Variants in PTPRH observed in about 807,000 individuals in gnomAD.
PTPRH encodes the protein receptor-type tyrosine-protein phosphatase H.
In PTPRH, 113 loss-of-function variants were observed where a neutral mutation model predicts 130.2. The observed-to-expected ratio is 0.87, with a 90% CI of 0.75 to 1.01. PTPRH has a LOEUF of 1.01. Among genes scored for constraint, PTPRH ranks in the 50% least tolerant of loss-of-function variants. The pLI is 0.00. For synonymous variants in PTPRH, 556 were observed against 577.9 expected (o/e 0.96, Z 0.54); for missense variants, 1,430 against 1,425.0 (o/e 1.00, Z -0.06).
At chr19:55,194,771 A>G (rs2086637422) in intron 10 of PTPRH, among the ~76,000 whole-genome samples, 1 of 152,230 alleles carries the variant, frequency 6.6e-6, no homozygotes, top group South Asian at 2.1e-4. Flanking sequence ...GTATAGACCC[A>G]AGAGAAATAA....
At chr19:55,199,061 T>C in intron 7 of PTPRH, 149 bp from the exon 8 acceptor site, 2 of 820,700 alleles carry the variant, frequency 2.4e-6, no homozygotes, top group Non-Finnish European at 3.3e-6. Flanking sequence ...TCCCAGCATT[T>C]TGGGAAGCTA....
intron 10 of PTPRH, 67 bp downstream of exon 10, chr19:55,196,455 C>T (rs2086681976): frequency 6.5e-7 from 1 of 1,527,562 alleles, no homozygotes; most frequent in African/African-American, 1.4e-5. Flanking sequence ...GATTTCCTCA[C>T]AATGGGGCCT....
At chr19:55,201,856 T>C (rs778399211) in intron 6 of PTPRH, among the ~76,000 whole-genome samples, 200 bp downstream of exon 6, 145 of 152,246 alleles carry the variant, frequency 9.5e-4, no homozygotes, top group African/African-American at 3.4e-3. Context: ...AGACACAGAC[T>C]GGCCCCAACT....
intron 14 of PTPRH, among the ~76,000 whole-genome samples, 158 bp downstream of exon 14, chr19:55,187,355 A>G (rs2086385091): frequency 8.8e-6 from 1 of 113,138 alleles, no homozygotes; most frequent in African/African-American, 4.1e-5. Context: ...AAAAAAAAAA[A>G]AAAAAGAAAA....
intron 7 of PTPRH, among the ~76,000 whole-genome samples, chr19:55,199,743 G>C (rs942004020): frequency 5.8e-5 from 5 of 86,414 alleles, no homozygotes; most frequent in African/African-American, 2.9e-4. Context: ...GGGAAGGAAA[G>C]AGAAGGAAAG....
At chr19:55,183,465 T>C (rs1240301525) in intron 18 of PTPRH, among the ~76,000 whole-genome samples, 1 of 152,118 alleles carries the variant, frequency 6.6e-6, no homozygotes, top group Non-Finnish European at 1.5e-5. Flanking sequence ...GGCTCACGCC[T>C]GTAATCCCAG....
intron 8 of PTPRH, among the ~76,000 whole-genome samples, 163 bp from the exon 9 acceptor site, chr19:55,197,579 G>A (rs1344902340): frequency 6.6e-6 from 1 of 152,150 alleles, no homozygotes; most frequent in African/African-American, 2.4e-5. Flanking sequence ...AAAGACCATG[G>A]GGACCAGAAT....
rs754665379 is a variant in PTPRH at position 55,200,359 on chromosome 19, G to T, written c.1297C>A (p.Arg433=). ...YTGDGGGTET[R]NTTNTSVTAE... ...GTCACACTGGTATTTGTTGTGTTTC[G>T]GGTCTCTGTGCCACCACCGTCTCCA... The change falls in exon 7 of 20, where the codon CGA becomes AGA. Residue 433 remains arginine, a synonymous_variant. Transcript: ENST00000376350. 2 of 1,613,946 alleles carry T rather than the reference G, an allele frequency of 1.2e-6. No individual in the cohort carries two copies. The highest frequency in any genetic ancestry group is 2.7e-5 in the African/African-American group (2 of 74,864).
intron 6 of PTPRH, among the ~76,000 whole-genome samples, chr19:55,201,038 G>A (rs1452852261): frequency 6.6e-6 from 1 of 152,140 alleles, no homozygotes; most frequent in African/African-American, 2.4e-5. Context: ...GGTCATAAAG[G>A]TGAAGCCTTT....
Position 55,195,309 on chromosome 19 carries a change from G to A in PTPRH, c.2257+1213C>T, listed in dbSNP as rs186256376. ...CACTGCACTCCAGCCTGGGCGACAAGAGTGAAACTCCGCCTCAAAAAATAA... is the reference window on the plus strand; with the variant it reads ...CACTGCACTCCAGCCTGGGCGACAAAAGTGAAACTCCGCCTCAAAAAATAA... On this transcript the variant is annotated intron_variant, in intron 10 of 19. Coordinates refer to ENST00000376350, the MANE Select transcript of PTPRH (RefSeq NM_002842.5). 6.6e-5 allele frequency among the ~76,000 whole-genome samples: 10 copies of A among 151,394 alleles called. No homozygotes were observed. In the East Asian group the frequency reaches 2.0e-3, roughly 30 times the overall value.
chr19:55,194,367 C>T, intron 10 of PTPRH: 1 of 1,218,216 alleles, frequency 8.2e-7, no homozygotes, highest in Non-Finnish European at 1.1e-6. Context: ...CTTGGCCTCA[C>T]AGAATGGACT....
rs2086885950 is a variant in PTPRH, at chr19:55,202,198, A to G, written c.1011T>C (p.Asp337=). 6.2e-7 allele frequency: 1 copy of G among 1,614,030 alleles called. No homozygotes were observed. Among genetic ancestry groups the G allele is most frequent in the African/African-American group, 1.3e-5 (1 of 74,914 alleles). The change falls in exon 6 of 20, where the codon GAT becomes GAC. Residue 337 remains aspartate (D), a synonymous_variant. Transcript: ENST00000376350. ...TGCTTCGAGTCCCTGCTCTGCCACCATCTCCAGTGTACTCAACCCCGTAGG... is the reference window on the plus strand; with the variant it reads ...TGCTTCGAGTCCCTGCTCTGCCACCGTCTCCAGTGTACTCAACCCCGTAGG... ...NSTYGVEYTG[D]GGRAGTRSTA... is the part of the protein sequence containing the mutation.
intron 12 of PTPRH, among the ~76,000 whole-genome samples, chr19:55,189,502 C>T (rs868179396): frequency 1.3e-5 from 2 of 152,182 alleles, no homozygotes; most frequent in Non-Finnish European, 2.9e-5. Context: ...TCTGCTCAGT[C>T]GGAGACGCAC....
In PTPRH at chr19:55,187,559, C is replaced by T. The variant is rs143690391; in HGVS notation, c.2520G>A (p.Ser840=). 13 of 1,613,174 alleles carry T rather than the reference C, an allele frequency of 8.1e-6. No individual in the cohort carries two copies. Among genetic ancestry groups the T allele is most frequent in the South Asian group, 3.3e-5 (3 of 91,042 alleles). The stretch of plus-strand genomic sequence containing the variant: ...GGTTCTTGGCGTTGTTCTCTGAAGC[C>T]GAAGCCACCATCTGAGACTGGCTGT... ...VGHSQSQMVA[S]ASENNAKNRY... The change falls in exon 14 of 20, where the codon TCG becomes TCA. Residue 840 remains serine (S), a synonymous_variant. Transcript: ENST00000376350.
Position 55,207,029 on chromosome 19 carries a change from G to A in PTPRH, c.86-74C>T, listed in dbSNP as rs944976042. ...AATCCCTCCCAACCCCTGAGCTCAC[G>A]CCCCAAGTCCAGAAACAACGGCGCT... On this transcript the variant is annotated intron_variant, in intron 2 of 19. Coordinates refer to ENST00000376350, the MANE Select transcript of PTPRH (RefSeq NM_002842.5). 17 of 1,549,132 alleles carry A rather than the reference G, an allele frequency of 1.1e-5. No individual in the cohort carries two copies. In the African/African-American group the frequency reaches 1.2e-4, roughly 11 times the overall value.
intron 9 of PTPRH, 31 bp from the exon 10 acceptor site, chr19:55,196,819 C>A: frequency 6.3e-7 from 1 of 1,599,034 alleles, no homozygotes; most frequent in Non-Finnish European, 8.6e-7. Context: ...GTCAGCAGTG[C>A]CATCCAAGGT....
chr19:55,193,012 T>C (rs2086586485), intron 10 of PTPRH, among the ~76,000 whole-genome samples: 1 of 151,674 alleles, frequency 6.6e-6, no homozygotes, highest in African/African-American at 2.4e-5. Context: ...GTGGATCACT[T>C]GAGCCCAGGA....
intron 17 of PTPRH, 68 bp downstream of exon 17, chr19:55,185,794 G>A: frequency 1.9e-6 from 3 of 1,609,030 alleles, no homozygotes; most frequent in Non-Finnish European, 2.5e-6. Flanking sequence ...AGTTGGTGGA[G>A]GGTCCTGGAT....
intron 12 of PTPRH, among the ~76,000 whole-genome samples, chr19:55,190,970 T>C (rs1234162290): frequency 6.6e-6 from 1 of 152,226 alleles, no homozygotes; most frequent in Non-Finnish European, 1.5e-5. Context: ...GCCTCCCAAG[T>C]AGCTGGGACT....
Sources: gnomAD v4.1 joint callset for allele counts (sites outside exome capture counted in the v4.1 genomes callset) on GRCh38, gnomAD v4.1.1 for gene constraint, MANE v1.5 for transcripts, NCBI Gene and HGNC (gene_info 2026-07-23, HGNC 2026-07-21) for gene names.